Variants in FAM107A observed in about 807,000 individuals in gnomAD.
The protein encoded by FAM107A is family with sequence similarity 107 member A.
Under a neutral mutation model 13.7 loss-of-function variants are expected in FAM107A, and 19 were observed. The observed-to-expected ratio is 1.38, with a 90% confidence interval of 0.97 to 2.03. The LOEUF (loss-of-function observed/expected upper bound fraction) is 2.03, where lower values mean the gene tolerates loss of function less well. FAM107A is among the 30% of genes most tolerant of loss of function. The probability of loss-of-function intolerance (pLI) is 0.00; values close to 1 mark genes in which losing one functional copy is unlikely to be tolerated. For missense variants in FAM107A, 203 were observed against 184.4 expected, an observed-to-expected ratio of 1.10 and a Z score of -0.58; for synonymous variants, 82 against 74.5, an observed-to-expected ratio of 1.10 and a Z score of -0.52.
intron 1 of FAM107A, among the ~76,000 whole-genome samples, chr3:58,612,614 A>G (rs1320387437): frequency 6.6e-6 from 1 of 151,124 alleles, no homozygotes; most frequent in Non-Finnish European, 1.5e-5. Context: ...AACCAGATGG[A>G]GGGGTGAAAA....
At chr3:58,587,106 CG>C in exon 1 of FAM107A, 1 of 1,366,426 alleles carries the variant, frequency 7.3e-7, no homozygotes, top group Non-Finnish European at 9.4e-7. Context: ...GAGACGCCGC[CG>C]GGGGAAGGAG....
At chr3:58,601,729 G>T (rs4289361) in intron 1 of FAM107A, among the ~76,000 whole-genome samples, 38,462 of 152,046 alleles carry the variant, frequency 0.25, 5,381 homozygotes, top group South Asian at 0.48. Context: ...ATGTACAATC[G>T]CATGTTAAAC....
At chr3:58,615,898 C>CAAAAA (rs11311985) in intron 1 of FAM107A, among the ~76,000 whole-genome samples, 5 of 74,724 alleles carry the variant, frequency 6.7e-5, no homozygotes, top group African/African-American at 1.0e-4. Context: ...GACCCTGTCT[C>CAAAAA]AAAAAAAAAA....
In FAM107A at chr3:58,614,485, AT is replaced by A. The variant is rs570030737; in HGVS notation, c.-70+12930del. On this transcript the variant is annotated intron_variant, in intron 1 of 3. Transcript: ENST00000465970. ...TGTTCTGATAGTAACTCATGATTCA[AT>A]TTCTTATCTTTCTTTCTTTCTTTTT... Among the ~76,000 whole-genome samples, 516 of 150,032 alleles carry A rather than the reference AT, an allele frequency of 3.4e-3. 2 individuals carry two copies. The highest frequency in any genetic ancestry group is 0.012 in the African/African-American group (486 of 40,692).
chr3:58,567,360 G>A lies in FAM107A; in HGVS notation c.175C>T (p.Leu59Phe). 3.1e-6 allele frequency: 5 copies of A among 1,609,732 alleles called. No homozygotes were observed. The highest frequency in any genetic ancestry group is 4.2e-6 in the Non-Finnish European group (5 of 1,178,458). ...AGCTCTGGCTTGCTGTCCACACCAA[G>A]GCCCCTGGGGTGGGAAGTGGGGAGC... ...RELLMNHRRG[L>F]GVDSKPELQR... is the part of the protein sequence containing the mutation. The change falls in exon 3 of 4, where the codon CTT (leucine) becomes TTT (phenylalanine). Residue 59 changes from leucine (L) to phenylalanine (F), a missense_variant. Coordinates refer to ENST00000360997, the MANE Select transcript of FAM107A (RefSeq NM_001076778.3).
intron 1 of FAM107A, among the ~76,000 whole-genome samples, chr3:58,592,585 C>T (rs2065662792): frequency 6.6e-6 from 1 of 152,164 alleles, no homozygotes. Context: ...AGTCCGATAA[C>T]GGACCGGCCT....
At chr3:58,578,777 C>T (rs1439949249), upstream of FAM107A, among the ~76,000 whole-genome samples, 1 of 152,138 alleles carries the variant, frequency 6.6e-6, no homozygotes, top group Non-Finnish European at 1.5e-5. Context: ...TTAGACCAGG[C>T]CTCCACCCCA....
At chr3:58,612,827 T>A (rs1352901017) in intron 1 of FAM107A, among the ~76,000 whole-genome samples, 1 of 151,948 alleles carries the variant, frequency 6.6e-6, no homozygotes, top group Non-Finnish European at 1.5e-5. Context: ...AGAGAAAAAA[T>A]CAAATCACCT....
At chr3:58,579,203 T>G (rs1315276648), upstream of FAM107A, among the ~76,000 whole-genome samples, 4 of 151,792 alleles carry the variant, frequency 2.6e-5, no homozygotes, top group Non-Finnish European at 2.9e-5. Context: ...GAAGAGCCAG[T>G]GGAAAGGCCC....
chr3:58,601,265 C>T lies in FAM107A; in HGVS notation c.-69-11996G>A, dbSNP rs531103808. On this transcript the variant is annotated intron_variant, in intron 1 of 3. Transcript: ENST00000465970. ...CCCCCCAAATCTCCAAATACTTCAA[C>T]CCCACATCCTCCTCCCAGAAAAAAC... Among the ~76,000 whole-genome samples, 4 of 148,846 alleles carry T rather than the reference C, an allele frequency of 2.7e-5. No homozygotes were observed. In the East Asian group the frequency reaches 6.4e-4, roughly 24 times the overall value.
chr3:58,612,786 T>C (rs149070386), intron 1 of FAM107A, among the ~76,000 whole-genome samples: 248 of 152,210 alleles, frequency 1.6e-3, no homozygotes, highest in African/African-American at 5.7e-3. Context: ...ATAATAAAAA[T>C]AAAGTTATTG....
intron 2 of FAM107A, 60 bp from the exon 3 acceptor site, chr3:58,567,424 A>T: frequency 6.5e-7 from 1 of 1,544,954 alleles, no homozygotes; most frequent in Non-Finnish European, 8.8e-7. Context: ...CCCCAGCCTC[A>T]GGGCTGCTTC....
chr3:58,596,533 G>T (rs1383332545), intron 1 of FAM107A, among the ~76,000 whole-genome samples: 1 of 152,098 alleles, frequency 6.6e-6, no homozygotes, highest in Non-Finnish European at 1.5e-5. Context: ...CAAAAAATTA[G>T]CCGGACCTGG....
At chr3:58,596,665 C>A (rs1306375206) in intron 1 of FAM107A, among the ~76,000 whole-genome samples, 1 of 141,944 alleles carries the variant, frequency 7.0e-6, no homozygotes, top group Non-Finnish European at 1.5e-5. Flanking sequence ...GGTGACAGAG[C>A]CAGACTCGGT....
intron 1 of FAM107A, among the ~76,000 whole-genome samples, chr3:58,592,961 C>A (rs1369646222): frequency 1.3e-5 from 2 of 152,182 alleles, no homozygotes; most frequent in East Asian, 3.9e-4. Flanking sequence ...CTTGCATACT[C>A]CAGATTCCCA....
chr3:58,603,726 G>A (rs2065771009), intron 1 of FAM107A, among the ~76,000 whole-genome samples: 1 of 152,160 alleles, frequency 6.6e-6, no homozygotes, highest in Non-Finnish European at 1.5e-5. Context: ...ATCTCTAAGT[G>A]AGGTACTTCC....
chr3:58,603,923 GT>G (rs2065772414), intron 1 of FAM107A, among the ~76,000 whole-genome samples: 1 of 152,180 alleles, frequency 6.6e-6, no homozygotes, highest in African/African-American at 2.4e-5. Flanking sequence ...TAGTAACTGG[GT>G]TTTGAGCTCC....
At chr3:58,624,658 G>A (rs1191515712) in intron 1 of FAM107A, among the ~76,000 whole-genome samples, 2 of 152,192 alleles carry the variant, frequency 1.3e-5, no homozygotes, top group East Asian at 1.9e-4. Context: ...TGCCAGTGTG[G>A]GTTTAGGATT....
upstream of FAM107A, among the ~76,000 whole-genome samples, chr3:58,582,564 C>T (rs1157114971): frequency 6.6e-6 from 1 of 152,220 alleles, no homozygotes; most frequent in Non-Finnish European, 1.5e-5. Flanking sequence ...ACCCTTCTAG[C>T]CCTGTGATTG....
Sources: gnomAD v4.1 joint callset for allele counts (sites outside exome capture counted in the v4.1 genomes callset) on GRCh38, gnomAD v4.1.1 for gene constraint, MANE v1.5 for transcripts, NCBI Gene and HGNC (gene_info 2026-07-23, HGNC 2026-07-21) for gene names.